Variants in DMD observed in about 807,000 individuals in gnomAD.
DMD encodes the protein dystrophin.
A neutral mutation model predicts 330.1 loss-of-function variants in DMD; 63 were observed. That is an observed-to-expected ratio of 0.19 (90% CI 0.16 to 0.24). The LOEUF is 0.24. DMD is among the 10% of genes least tolerant of loss of function. The pLI is 1.00. For missense variants in DMD, 3,344 were observed against 2,684.1 expected, an observed-to-expected ratio of 1.25 and a Z score of -5.43; for synonymous variants, 1,223 against 959.8, an observed-to-expected ratio of 1.27 and a Z score of -5.07.
intron 1 of DMD, among the ~76,000 whole-genome samples, chrX:33,034,959 A>G (rs1351659572): frequency 8.9e-6 from 1 of 111,773 alleles, no homozygotes; most frequent in Non-Finnish European, 1.9e-5. Context: ...CTATCCTGAA[A>G]TCTATGGGCT....
chrX:32,348,251 TA>T (rs1451724580), intron 38 of DMD, among the ~76,000 whole-genome samples, 154 bp downstream of exon 38: 2 of 111,595 alleles, frequency 1.8e-5, no homozygotes, highest in African/African-American at 6.5e-5. Flanking sequence ...GCATTTGTAA[TA>T]AAAGGCCAAG....
At chrX:32,252,879 AATATATATAAATATATATAAAT>A (rs2097280751) in intron 43 of DMD, among the ~76,000 whole-genome samples, 1 of 70,175 alleles carries the variant, frequency 1.4e-5, no homozygotes, top group African/African-American at 6.6e-5. Flanking sequence ...AATATATAAA[AATATATATAAATATATATAAAT>A]ATATACATAA....
chrX:32,043,151 C>T (rs1382571195), intron 44 of DMD, among the ~76,000 whole-genome samples: 4 of 111,372 alleles, frequency 3.6e-5, no homozygotes, highest in African/African-American at 9.8e-5. Flanking sequence ...TCATGTACCC[C>T]GTTGACATAT....
chrX:32,902,145 TCACACACACACAAACACACACACACACA>T (rs1321235695), intron 2 of DMD, among the ~76,000 whole-genome samples: 9 of 60,135 alleles, frequency 1.5e-4, no homozygotes, highest in African/African-American at 4.6e-4. Context: ...TAAGCAAGCA[TCACACACACACAAACACACACACACACA>T]CACACACACA....
Position 32,252,790 on chromosome X carries a change from AT to A in DMD, c.6290+34738del, listed in dbSNP as rs1364740282. On this transcript the variant is annotated intron_variant, in intron 43 of 78. Transcript: ENST00000357033. ...TATATATAAATATATATAAATATAT[AT>A]AAATATATATATAAATATATATAAG... is the stretch of plus-strand genomic sequence containing the variant. Among the ~76,000 whole-genome samples the A allele has an allele frequency of 1.9e-4, 12 of 63,708 alleles. 1 individual carries two copies. Among genetic ancestry groups the A allele is most frequent in the African/African-American group, 1.0e-3 (12 of 11,628 alleles). The allele number at this position is 63,708 out of a possible 115,157, so 55.3% of individuals were successfully genotyped here.
At chrX:31,646,266 T>C (rs185848892) in intron 54 of DMD, among the ~76,000 whole-genome samples, 2 of 110,757 alleles carry the variant, frequency 1.8e-5, no homozygotes, top group South Asian at 3.9e-4. Flanking sequence ...TGTGTGTGTG[T>C]GTGTGTGTGT....
intron 1 of DMD, among the ~76,000 whole-genome samples, chrX:33,327,901 T>G (rs2054112036): frequency 8.9e-6 from 1 of 112,014 alleles, no homozygotes; most frequent in South Asian, 3.7e-4. Flanking sequence ...TTCCAAAGAT[T>G]AGCTAAAATA....
intron 45 of DMD, among the ~76,000 whole-genome samples, chrX:31,958,827 C>T (rs756978712): frequency 2.4e-4 from 27 of 111,604 alleles, no homozygotes; most frequent in African/African-American, 7.2e-4. Context: ...TATTCAAATG[C>T]GTGTTTTCTG....
At chrX:31,435,048 G>A (rs1216717040) in intron 60 of DMD, among the ~76,000 whole-genome samples, 1 of 111,398 alleles carries the variant, frequency 9.0e-6, no homozygotes, top group Non-Finnish European at 1.9e-5. Flanking sequence ...AGACTGTCTG[G>A]GTTCAAATCC....
intron 44 of DMD, among the ~76,000 whole-genome samples, chrX:32,078,776 C>T (rs112275642): frequency 1.8e-5 from 2 of 111,752 alleles, no homozygotes; most frequent in African/African-American, 6.5e-5. Context: ...TCAATATAAG[C>T]AAAAAGAAGC....
chrX:31,829,465 T>A (rs1421943095), intron 49 of DMD, among the ~76,000 whole-genome samples: 3 of 87,878 alleles, frequency 3.4e-5, no homozygotes, highest in Admixed American at 1.2e-4. Context: ...AAAAAAAATT[T>A]TTTAATTAAG....
chrX:31,939,973 G>A lies in DMD; in HGVS notation c.6615-7746C>T, dbSNP rs759387950. On this transcript the variant is annotated intron_variant, in intron 45 of 78. Transcript: ENST00000357033. ...GACTACTTCTAGGTGAAGCATATAT[G>A]TAATCACAATGCAACAGCCATTTAT... 2.8e-4 allele frequency among the ~76,000 whole-genome samples: 31 copies of A among 111,925 alleles called. No homozygotes were observed. In the South Asian group the frequency reaches 5.6e-3, roughly 20 times the overall value.
intron 63 of DMD, among the ~76,000 whole-genome samples, chrX:31,237,130 G>A (rs763878575): frequency 2.7e-5 from 3 of 112,236 alleles, no homozygotes; most frequent in Non-Finnish European, 5.6e-5. Context: ...AAACATTTTT[G>A]CAACATTTCT....
chrX:32,130,029 C>T (rs1288980871), intron 44 of DMD, among the ~76,000 whole-genome samples: 1 of 96,998 alleles, frequency 1.0e-5, no homozygotes, highest in African/African-American at 3.8e-5. Context: ...TTTAAGCTGG[C>T]TTTTTTCCCC....
chrX:31,163,548 G>A (rs1411688285), intron 74 of DMD, among the ~76,000 whole-genome samples: 1 of 112,150 alleles, frequency 8.9e-6, no homozygotes, highest in Non-Finnish European at 1.9e-5. Flanking sequence ...TTAAAAACAT[G>A]TGGGAACAGC....
chrX:33,000,024 T>C (rs952604443), intron 2 of DMD, among the ~76,000 whole-genome samples: 1 of 112,292 alleles, frequency 8.9e-6, no homozygotes, highest in Non-Finnish European at 1.9e-5. Context: ...CCTGGGCTAG[T>C]CTTACATAAT....
intron 21 of DMD, among the ~76,000 whole-genome samples, chrX:32,483,508 A>G (rs2042122152): frequency 9.2e-6 from 1 of 109,151 alleles, no homozygotes; most frequent in Admixed American, 1.0e-4. Flanking sequence ...GAACTTTAAT[A>G]TGATTAAGAG....
chrX:32,625,032 G>A (rs985571531), intron 11 of DMD, among the ~76,000 whole-genome samples: 13 of 111,811 alleles, frequency 1.2e-4, no homozygotes, highest in Admixed American at 1.0e-3. Flanking sequence ...TTAGCCGGGA[G>A]TGGTGGCACA....
At chrX:32,371,735 G>A (rs1171620954) in intron 34 of DMD, among the ~76,000 whole-genome samples, 1 of 110,812 alleles carries the variant, frequency 9.0e-6, no homozygotes, top group Non-Finnish European at 1.9e-5. Context: ...GGCCAGTAAT[G>A]GGATGTTCAG....
Sources: gnomAD v4.1 joint callset for allele counts (sites outside exome capture counted in the v4.1 genomes callset) on GRCh38, gnomAD v4.1.1 for gene constraint, MANE v1.5 for transcripts, NCBI Gene and HGNC (gene_info 2026-07-23, HGNC 2026-07-21) for gene names.